Variants in NLRP7 observed in about 807,000 individuals in gnomAD.
NLRP7 encodes NACHT, LRR and PYD domains-containing protein 7.
NLRP7 carries 72 observed loss-of-function variants against 85.5 expected under a neutral mutation model. That is an observed-to-expected ratio of 0.84 (90% CI 0.70 to 1.02). The LOEUF (loss-of-function observed/expected upper bound fraction) is 1.02. Among genes scored for constraint, NLRP7 ranks in the 50% least tolerant of loss-of-function variants. The pLI is 0.00. For missense variants in NLRP7, 1,243 were observed against 1,219.5 expected (o/e 1.02, Z -0.29); for synonymous variants, 550 against 505.2 (o/e 1.09, Z -1.19).
intron 8 of NLRP7, among the ~76,000 whole-genome samples, chr19:54,931,039 C>A (rs1439204475): frequency 2.6e-4 from 39 of 152,090 alleles, no homozygotes; most frequent in Admixed American, 6.5e-4. Flanking sequence ...ACAACAACAA[C>A]AACAAAAAGT....
At chr19:54,947,631 C>T (rs1000400928), upstream of NLRP7, 6 of 1,289,438 alleles carry the variant, frequency 4.7e-6, no homozygotes, top group Non-Finnish European at 6.1e-6. Flanking sequence ...CAACCACTGA[C>T]CTCAGGCTCA....
At chr19:54,960,045 C>T (rs1391594101) in intron 1 of NLRP7, among the ~76,000 whole-genome samples, 1 of 152,018 alleles carries the variant, frequency 6.6e-6, no homozygotes. Context: ...GTTCTAACCA[C>T]GTAGTTCCTC....
chr19:54,962,894 G>C (rs1393572612), intron 1 of NLRP7, among the ~76,000 whole-genome samples: 8 of 152,120 alleles, frequency 5.3e-5, no homozygotes, highest in African/African-American at 1.9e-4. Context: ...GCACCACACT[G>C]GGCCCCCTCA....
In NLRP7 at chr19:54,954,559, C is replaced by T. The variant is rs527333795; in HGVS notation, c.-76-7054G>A. 8.8e-3 allele frequency among the ~76,000 whole-genome samples: 1,289 copies of T among 145,886 alleles called. 13 individuals carry two copies. Among genetic ancestry groups the T allele is most frequent in the African/African-American group, 0.031 (1,206 of 39,394 alleles). On this transcript the variant is annotated intron_variant, in intron 1 of 2. Coordinates refer to the NLRP7 transcript ENST00000587103. ...AAAAAAAAAAAAAAAAAAAGGGCAA[C>T]CGAGGCCGGACGTGGTGGCTTACGC...
chr19:54,925,531 C>CACAGT lies in NLRP7; in HGVS notation c.2811-1664_2811-1660dup, dbSNP rs149553722. Among the ~76,000 whole-genome samples, 1,251 of 152,224 alleles carry CACAGT rather than the reference C, an allele frequency of 8.2e-3. 19 individuals carry two copies. Among genetic ancestry groups the CACAGT allele is most frequent in the African/African-American group, 0.028 (1,152 of 41,546 alleles). ...TCTTGAATAAGACAAGTGGGCTGTG[C>CACAGT]ACAGTGGCTCACGCCTGCAATCCGG... On this transcript the variant is annotated intron_variant, in intron 9 of 9. Coordinates refer to ENST00000340844, the Ensembl canonical transcript of NLRP7.
intron 1 of NLRP7, among the ~76,000 whole-genome samples, chr19:54,964,473 C>T: frequency 6.6e-6 from 1 of 151,698 alleles, no homozygotes; most frequent in East Asian, 2.0e-4. Context: ...GCCTCGGCCT[C>T]CCAAAGTGCT....
At chr19:54,940,375 G>T in exon 4 of NLRP7, 3 of 1,614,132 alleles carry the variant, frequency 1.9e-6, no homozygotes, top group Middle Eastern at 1.6e-4. Context: ...GAGTGACGTC[G>T]TCATGGAAAT....
intron 6 of NLRP7, 99 bp downstream of exon 6, chr19:54,936,162 G>T: frequency 1.9e-6 from 2 of 1,031,812 alleles, no homozygotes; most frequent in Non-Finnish European, 3.0e-6. Flanking sequence ...TTCCCTGTCT[G>T]GGACGGCATC....
Position 54,934,373 on chromosome 19 carries a change from A to C in NLRP7, c.2471+116T>G, listed in dbSNP as rs1448238104. 1.0e-6 allele frequency: 1 copy of C among 1,002,980 alleles called. No individual in the cohort carries two copies. The highest frequency in any genetic ancestry group is 1.6e-6 in the Non-Finnish European group (1 of 622,656). 62.1% of individuals were successfully genotyped at this position (1,002,980 alleles called of 1,614,324 possible). On this transcript the variant is annotated intron_variant, in intron 7 of 9. Coordinates refer to ENST00000340844, the Ensembl canonical transcript of NLRP7. The surrounding 1 kb of genome is among the most constrained non-coding windows in gnomAD (Gnocchi z 6.7). The stretch of plus-strand genomic sequence containing the variant: ...GGAGCCACCGTGCCGGGCCTGAAGC[A>C]GGTGTTTATTTCAGCAAGAGGCGCC...
chr19:54,954,650 G>A (rs2069794253), intron 1 of NLRP7, among the ~76,000 whole-genome samples: 1 of 151,494 alleles, frequency 6.6e-6, no homozygotes, highest in Non-Finnish European at 1.5e-5. Flanking sequence ...GTCAAGATCA[G>A]CCTGGCCAAC....
chr19:54,947,195 C>T (rs1234770302), intron 1 of NLRP7, among the ~76,000 whole-genome samples: 6 of 151,906 alleles, frequency 3.9e-5, no homozygotes, highest in African/African-American at 9.7e-5. Flanking sequence ...CATGGTGGCA[C>T]GTGCCTGTAG....
At chr19:54,927,741 G>A (rs2068507264) in intron 9 of NLRP7, 17 of 1,614,106 alleles carry the variant, frequency 1.1e-5, no homozygotes, top group Non-Finnish European at 1.4e-5. Flanking sequence ...CCAAGATGCT[G>A]ACAATAGAAA....
chr19:54,957,938 G>A (rs540376604), intron 1 of NLRP7, among the ~76,000 whole-genome samples: 11 of 152,188 alleles, frequency 7.2e-5, no homozygotes, highest in South Asian at 2.1e-4. Flanking sequence ...GGAGGGGGCC[G>A]GGCACGGTGT....
chr19:54,928,200 AT>A (rs1156506241), intron 9 of NLRP7, among the ~76,000 whole-genome samples: 1 of 152,190 alleles, frequency 6.6e-6, no homozygotes, highest in Admixed American at 6.6e-5. Flanking sequence ...AGCCTGGGCA[AT>A]AGAATGAGAC....
intron 5 of NLRP7, 98 bp from the exon 6 acceptor site, chr19:54,936,529 T>C: frequency 9.0e-7 from 1 of 1,106,512 alleles, no homozygotes. Flanking sequence ...TAGAAATTAT[T>C]AGAAGTTCTT....
At chr19:54,948,109 C>T (rs1049443737), upstream of NLRP7, among the ~76,000 whole-genome samples, 1 of 152,100 alleles carries the variant, frequency 6.6e-6, no homozygotes, top group African/African-American at 2.4e-5. Context: ...ATAGGCTGGG[C>T]GTGGTAGCTC....
intron 9 of NLRP7, among the ~76,000 whole-genome samples, chr19:54,924,828 C>T (rs2068365375): frequency 6.6e-6 from 1 of 152,120 alleles, no homozygotes; most frequent in Non-Finnish European, 1.5e-5. Context: ...ACCAGCTACT[C>T]AGGAGGCTGA....
intron 9 of NLRP7, among the ~76,000 whole-genome samples, chr19:54,927,110 C>T (rs1033725168): frequency 2.7e-4 from 39 of 146,000 alleles, no homozygotes; most frequent in Admixed American, 2.0e-3. Flanking sequence ...CCAAAAAGGC[C>T]GGGTGCAATG....
chr19:54,941,536 A>G, exon 2 of NLRP7: 1 of 1,613,946 alleles, frequency 6.2e-7, no homozygotes, highest in Non-Finnish European at 8.5e-7. Context: ...GGAGGTGTTG[A>G]CCAGAATTTC....
Sources: gnomAD v4.1 joint callset for allele counts (sites outside exome capture counted in the v4.1 genomes callset) on GRCh38, gnomAD v4.1.1 for gene constraint, Gnocchi (gnomAD v3.1) non-coding constraint, MANE v1.5 for transcripts, NCBI Gene and HGNC (gene_info 2026-07-23, HGNC 2026-07-21) for gene names.